Variants in ABCC1 observed in about 807,000 individuals in gnomAD.
The protein encoded by ABCC1 is multidrug resistance-associated protein 1.
In ABCC1, 83 loss-of-function variants were observed where a neutral mutation model predicts 172.9. The observed-to-expected ratio is 0.48, with a 90% CI of 0.40 to 0.58. The LOEUF (loss-of-function observed/expected upper bound fraction) is 0.58. Among genes scored for constraint, ABCC1 ranks in the 20% least tolerant of loss-of-function variants. The pLI is 0.00. For synonymous variants in ABCC1, 937 were observed against 825.2 expected (o/e 1.14, Z -2.32); for missense variants, 1,817 against 2,002.7 (o/e 0.91, Z 1.77).
chr16:16,121,628 A>G (rs996882399), intron 23 of ABCC1, among the ~76,000 whole-genome samples: 1 of 152,108 alleles, frequency 6.6e-6, no homozygotes, highest in Non-Finnish European at 1.5e-5. Flanking sequence ...TGGGGAGGAG[A>G]TTAACTAGCT....
rs1258955706 is a variant in ABCC1, at chr16:16,141,997, C to G, written c.*716C>G. On this transcript the variant is annotated 3_prime_UTR_variant, in exon 31 of 31. Transcript: ENST00000399410. ...CCTGGAAGGGACCTGGTTGGACTAA[C>G]GGCTAACCTGGACCTGGAACTGTAG... 1 of 152,268 alleles carries G rather than the reference C, an allele frequency of 6.6e-6. No individual in the cohort carries two copies. The highest frequency in any genetic ancestry group is 2.4e-5 in the African/African-American group (1 of 41,456). The allele number at this position is 152,268 out of a possible 1,614,324, so 9.4% of individuals were successfully genotyped here.
At chr16:16,048,524 A>G (rs553541291) in intron 10 of ABCC1, among the ~76,000 whole-genome samples, 1 of 152,176 alleles carries the variant, frequency 6.6e-6, no homozygotes, top group East Asian at 1.9e-4. Context: ...TGGCGTTTTC[A>G]TTTTCTCTTT....
intron 1 of ABCC1, among the ~76,000 whole-genome samples, chr16:16,005,329 C>T (rs2047486998): frequency 6.7e-6 from 1 of 149,790 alleles, no homozygotes; most frequent in South Asian, 2.1e-4. Flanking sequence ...GAATGGGGCC[C>T]AGCACCACCA....
intron 21 of ABCC1, among the ~76,000 whole-genome samples, chr16:16,108,599 C>CT (rs1235126707): frequency 0.1 from 13,252 of 127,986 alleles, 832 homozygotes; most frequent in Middle Eastern, 0.21. Context: ...AATTTGTTTT[C>CT]TTTTTTTTTT....
intron 1 of ABCC1, among the ~76,000 whole-genome samples, chr16:15,950,905 C>A (rs1465762862): frequency 1.3e-5 from 2 of 152,044 alleles, no homozygotes; most frequent in Non-Finnish European, 2.9e-5. Context: ...CTCCAGGGCC[C>A]CATTGGAGGG....
chr16:15,966,800 G>T (rs1180754900), intron 1 of ABCC1, among the ~76,000 whole-genome samples: 1 of 151,634 alleles, frequency 6.6e-6, no homozygotes, highest in East Asian at 1.9e-4. Flanking sequence ...ATAGATGCTT[G>T]TCAACATGCC....
chr16:16,001,065 G>C (rs2047289761), intron 1 of ABCC1, among the ~76,000 whole-genome samples: 1 of 152,190 alleles, frequency 6.6e-6, no homozygotes, highest in Non-Finnish European at 1.5e-5. Flanking sequence ...AACATTATCT[G>C]ACAACAAGCT....
chr16:15,993,604 C>T (rs999993253), intron 1 of ABCC1, among the ~76,000 whole-genome samples: 1 of 152,050 alleles, frequency 6.6e-6, no homozygotes, highest in Non-Finnish European at 1.5e-5. Context: ...GGATGGCCCC[C>T]GACAACCAAG....
chr16:15,994,075 C>G (rs1429447714), intron 1 of ABCC1, among the ~76,000 whole-genome samples: 1 of 152,064 alleles, frequency 6.6e-6, no homozygotes, highest in Non-Finnish European at 1.5e-5. Context: ...AAAAATTAGC[C>G]AGGCATGGTG....
At chr16:15,967,109 G>A (rs1195144105) in intron 1 of ABCC1, among the ~76,000 whole-genome samples, 1 of 152,088 alleles carries the variant, frequency 6.6e-6, no homozygotes. Context: ...TGCATACTTG[G>A]TAGGGGAGTG....
At chr16:16,043,149 C>G (rs557845811) in intron 7 of ABCC1, among the ~76,000 whole-genome samples, 1 of 151,420 alleles carries the variant, frequency 6.6e-6, no homozygotes, top group South Asian at 2.1e-4. Flanking sequence ...AGGCATGAAC[C>G]ACTGCACCCA....
chr16:15,993,076 G>C (rs2151639688), intron 1 of ABCC1, among the ~76,000 whole-genome samples: 1 of 152,250 alleles, frequency 6.6e-6, no homozygotes, highest in South Asian at 2.1e-4. Flanking sequence ...AGCAGGTACT[G>C]CTCTTTGTCA....
chr16:16,010,934 T>C (rs1039357917), intron 3 of ABCC1, among the ~76,000 whole-genome samples: 1 of 151,990 alleles, frequency 6.6e-6, no homozygotes, highest in Admixed American at 6.6e-5. Context: ...CCCTTGAGTA[T>C]TGTAAAAAGA....
At chr16:16,078,319 GGTTGACCTGCCCCATTGACA>G (rs1261838838) in intron 15 of ABCC1, among the ~76,000 whole-genome samples, 2 of 152,166 alleles carry the variant, frequency 1.3e-5, no homozygotes, top group Non-Finnish European at 2.9e-5. Flanking sequence ...AGTGGCCTGG[GGTTGACCTGCCCCATTGACA>G]GCCGGTCTTA....
intron 1 of ABCC1, among the ~76,000 whole-genome samples, chr16:15,995,551 C>T (rs765577673): frequency 2.9e-4 from 44 of 151,300 alleles, no homozygotes; most frequent in Non-Finnish European, 1.5e-4. Flanking sequence ...GGCCGCTTTG[C>T]ATAAAGTGAA....
chr16:16,044,586 G>A lies in ABCC1; in HGVS notation c.946G>A (p.Val316Met). The A allele has an allele frequency of 1.2e-6, 2 of 1,614,128 alleles. No individual in the cohort carries two copies. The highest frequency in any genetic ancestry group is 1.7e-6 in the Non-Finnish European group (2 of 1,180,024). The part of the protein sequence containing the change: ...QKEWNPSLFK[V>M]LYKTFGPYFL... The stretch of plus-strand genomic sequence containing the variant: ...GGAGTGGAACCCCTCTCTGTTTAAG[G>A]TGTTATACAAGACCTTTGGGCCCTA... The change falls in exon 8 of 31, where the codon GTG (valine) becomes ATG (methionine). Residue 316 changes from valine to methionine, a missense_variant. Coordinates refer to ENST00000399410, the MANE Select transcript of ABCC1 (RefSeq NM_004996.4).
chr16:15,960,372 G>A (rs140664635), intron 1 of ABCC1, among the ~76,000 whole-genome samples: 5 of 152,024 alleles, frequency 3.3e-5, no homozygotes, highest in Admixed American at 6.6e-5. Context: ...GCCCAGCCTC[G>A]TGTGGTCTTT....
intron 5 of ABCC1, among the ~76,000 whole-genome samples, chr16:16,028,406 C>T (rs2048448444): frequency 6.6e-6 from 1 of 152,134 alleles, no homozygotes; most frequent in African/African-American, 2.4e-5. Flanking sequence ...GCAAGTCCTG[C>T]CCATATATTT....
At chr16:16,132,542 G>C in intron 27 of ABCC1, among the ~76,000 whole-genome samples, 1 of 56,230 alleles carries the variant, frequency 1.8e-5, no homozygotes, top group African/African-American at 6.5e-5. Flanking sequence ...TTTTTTTTGA[G>C]ATGGAGTCTT....
Sources: gnomAD v4.1 joint callset for allele counts (sites outside exome capture counted in the v4.1 genomes callset) on GRCh38, gnomAD v4.1.1 for gene constraint, MANE v1.5 for transcripts, NCBI Gene and HGNC (gene_info 2026-07-23, HGNC 2026-07-21) for gene names.